The following UTP20 variants were observed in gnomAD, a reference collection of about 807,000 sequenced individuals.
UTP20 encodes small subunit processome component 20 homolog.
UTP20 carries 164 observed loss-of-function variants against 329.5 expected under a neutral mutation model. That is an observed-to-expected ratio of 0.50 (90% CI 0.44 to 0.57). The LOEUF (loss-of-function observed/expected upper bound fraction) is 0.57, where lower values mean the gene tolerates loss of function less well. UTP20 is among the 20% of genes least tolerant of loss of function. UTP20 has a pLI of 0.00. For synonymous variants in UTP20, 1,151 were observed against 1,159.3 expected (o/e 0.99, Z 0.14); for missense variants, 3,055 against 3,284.2 (o/e 0.93, Z 1.71).
intron 12 of UTP20, among the ~76,000 whole-genome samples, chr12:101,297,854 G>A (rs965352298): frequency 6.6e-6 from 1 of 152,156 alleles, no homozygotes. Flanking sequence ...AGCCATCTCA[G>A]ATCCTCCCAG....
At chr12:101,282,273 CA>C (rs56701824) in intron 2 of UTP20, among the ~76,000 whole-genome samples, 6,451 of 151,934 alleles carry the variant, frequency 0.042, 437 homozygotes, top group African/African-American at 0.15. Flanking sequence ...TTAGGGGTGT[CA>C]AAAAAACGGT....
At chr12:101,370,203 CGA>C (rs894833502) in intron 49 of UTP20, among the ~76,000 whole-genome samples, 4 of 152,098 alleles carry the variant, frequency 2.6e-5, no homozygotes, top group African/African-American at 4.8e-5. Context: ...GGTGACAGAG[CGA>C]GACCCTGACT....
In UTP20 at chr12:101,317,996, G is replaced by A. The variant is rs187018257; in HGVS notation, c.2738+333G>A. Among the ~76,000 whole-genome samples, 654 of 152,228 alleles carry A rather than the reference G, an allele frequency of 4.3e-3. 3 individuals are homozygous for A. The highest frequency in any genetic ancestry group is 6.8e-3 in the Middle Eastern group (2 of 294). ...TGTCGTGCACTTTCCCAGCGTGAGG[G>A]TATTGTGTTTGCATGCTAGGGGAAC... On this transcript the variant is annotated intron_variant, in intron 22 of 61. Coordinates refer to ENST00000261637, the MANE Select transcript of UTP20 (RefSeq NM_014503.3).
intron 47 of UTP20, among the ~76,000 whole-genome samples, chr12:101,367,178 A>C (rs762687645): frequency 6.6e-6 from 1 of 152,038 alleles, no homozygotes; most frequent in Admixed American, 6.6e-5. Context: ...TTAGTTACTC[A>C]GGAGGCTAAG....
At chr12:101,373,526 T>G in intron 53 of UTP20, 56 bp downstream of exon 53, 1 of 1,613,458 alleles carries the variant, frequency 6.2e-7, no homozygotes, top group Non-Finnish European at 8.5e-7. Context: ...AGTCCCCCTT[T>G]GCTAGAGCAT....
intron 56 of UTP20, among the ~76,000 whole-genome samples, chr12:101,377,360 CT>C (rs1455200456): frequency 2.6e-5 from 4 of 151,938 alleles, no homozygotes; most frequent in Non-Finnish European, 2.9e-5. Context: ...GAGATGGAGT[CT>C]CACTCTGTCG....
chr12:101,330,729 A>T (rs1241818996), intron 27 of UTP20, among the ~76,000 whole-genome samples: 2 of 152,182 alleles, frequency 1.3e-5, no homozygotes, highest in African/African-American at 2.4e-5. Flanking sequence ...TAGTGCCTTC[A>T]CATTTTTGGT....
chr12:101,347,236 A>G (rs1008926003), intron 38 of UTP20, among the ~76,000 whole-genome samples: 7 of 152,162 alleles, frequency 4.6e-5, no homozygotes, highest in African/African-American at 1.7e-4. Flanking sequence ...TAAAAAGATT[A>G]ATGAGGTCAA....
chr12:101,345,617 G>C lies in UTP20; in HGVS notation c.4669G>C (p.Glu1557Gln), dbSNP rs1221493725. Residue 1557 changes from glutamate to glutamine, a missense_variant, in exon 37 of 62, where the codon GAA becomes CAA. This residue lies in a region of UTP20 where 2,445 missense variants were observed against 2,575.5 expected (regional missense o/e 0.95). Coordinates refer to ENST00000261637, the MANE Select transcript of UTP20 (RefSeq NM_014503.3). Reference sequence around the variant, plus strand: ...AATTCAAACCTTTCCAAACCAACTGGAATTCAAAGACTTGGTACAACTTAC... The same window carrying C: ...AATTCAAACCTTTCCAAACCAACTGCAATTCAAAGACTTGGTACAACTTAC... ...CLIQTFPNQL[E>Q]FKDLVQLTHY... The C allele has an allele frequency of 6.2e-7, 1 of 1,611,978 alleles. No individual in the cohort carries two copies. The highest frequency in any genetic ancestry group is 1.3e-5 in the African/African-American group (1 of 74,812).
chr12:101,333,580 T>G, intron 28 of UTP20, 136 bp downstream of exon 28: 4 of 1,129,336 alleles, frequency 3.5e-6, no homozygotes, highest in Non-Finnish European at 3.7e-6. Context: ...TTTCTGGAAG[T>G]TTTTAGAACA....
At position 101,375,684 on chromosome 12, in the gene UTP20, ATAACTAAACTTATCAAGG is replaced by A; in HGVS notation, c.7325_7342del (p.Ile2442_Glu2448delinsLys). On this transcript the variant is annotated inframe_deletion, in exon 56 of 62. Transcript: ENST00000261637. ...CCTTCTGTTTAGTTTTCTTACACTGATAACTAAACTTATCAAGGAATGTAATATTATTCAGTTTACCAA... is the reference window on the plus strand; with the variant it reads ...CCTTCTGTTTAGTTTTCTTACACTGAAATGTAATATTATTCAGTTTACCAA... 6.2e-7 allele frequency: 1 copy of A among 1,609,782 alleles called. No individual in the cohort carries two copies. Among genetic ancestry groups the A allele is most frequent in the Non-Finnish European group, 8.5e-7 (1 of 1,177,338 alleles).
At chr12:101,364,473 G>A (rs1384915401) in intron 45 of UTP20, among the ~76,000 whole-genome samples, 1 of 152,132 alleles carries the variant, frequency 6.6e-6, no homozygotes, top group Non-Finnish European at 1.5e-5. Context: ...GCTTGGAAAG[G>A]TAGAAAGGAA....
At chr12:101,308,368 T>A in intron 18 of UTP20, 25 bp downstream of exon 18, 1 of 1,393,800 alleles carries the variant, frequency 7.2e-7, no homozygotes, top group Non-Finnish European at 9.3e-7. Flanking sequence ...CTTTTATTTT[T>A]CCTTTTTAAT....
intron 21 of UTP20, 37 bp downstream of exon 21, chr12:101,312,313 G>A (rs775839346): frequency 6.2e-7 from 1 of 1,603,982 alleles, no homozygotes; most frequent in African/African-American, 1.3e-5. Context: ...CCCTGGTGGG[G>A]CATGAAGAAG....
chr12:101,341,925 A>G lies in UTP20; in HGVS notation c.4102-521A>G, dbSNP rs189038240. ...ATCTCAAAAAATATATAAATAAAATAAAAATAATACAAATTTTAAAAATGC... is the reference window on the plus strand; with the variant it reads ...ATCTCAAAAAATATATAAATAAAATGAAAATAATACAAATTTTAAAAATGC... On this transcript the variant is annotated intron_variant, in intron 32 of 61. Transcript: ENST00000261637. Among the ~76,000 whole-genome samples, 290 of 152,266 alleles carry G rather than the reference A, an allele frequency of 1.9e-3. 1 individual carries two copies. The highest frequency in any genetic ancestry group is 6.2e-3 in the African/African-American group (259 of 41,560).
chr12:101,346,621 C>A (rs774837049), intron 38 of UTP20, 33 bp downstream of exon 38: 14 of 1,538,882 alleles, frequency 9.1e-6, no homozygotes, highest in Non-Finnish European at 1.0e-5. Flanking sequence ...CAAGGACCCT[C>A]TTCCCATACC....
At chr12:101,351,166 G>T (rs11110763) in intron 38 of UTP20, among the ~76,000 whole-genome samples, 1 of 149,668 alleles carries the variant, frequency 6.7e-6, no homozygotes, top group Non-Finnish European at 1.5e-5. Context: ...TCACTCTGTC[G>T]CCTAGGGTGG....
At chr12:101,315,254 G>C (rs190664949) in intron 21 of UTP20, among the ~76,000 whole-genome samples, 8 of 152,166 alleles carry the variant, frequency 5.3e-5, no homozygotes, top group African/African-American at 1.9e-4. Flanking sequence ...GGGGGGCCGA[G>C]GTGGGCAGAT....
At chr12:101,344,497 A>G (rs1380886618) in intron 35 of UTP20, 98 bp from the exon 36 acceptor site, 4 of 709,112 alleles carry the variant, frequency 5.6e-6, no homozygotes, top group Admixed American at 2.3e-5. Flanking sequence ...TTTTACAAGC[A>G]CAGTGACAGA....
Sources: allele counts gnomAD v4.1 joint callset (sites outside exome capture counted in the v4.1 genomes callset), GRCh38; gene constraint gnomAD v4.1.1; regional missense constraint gnomAD v4.1.1; transcripts MANE v1.5; gene names NCBI Gene and HGNC (gene_info 2026-07-23, HGNC 2026-07-21).